Variants in LDLRAP1 observed in about 807,000 individuals in gnomAD.
LDLRAP1 encodes the protein low density lipoprotein receptor adapter protein 1.
Under a neutral mutation model 37.8 loss-of-function variants are expected in LDLRAP1, and 30 were observed. The observed-to-expected ratio is 0.79, with a 90% CI of 0.59 to 1.08. The LOEUF (loss-of-function observed/expected upper bound fraction) is 1.08. Ranked by LOEUF, LDLRAP1 falls within the 50% of genes least tolerant of loss-of-function variation. The pLI is 0.00. For synonymous variants in LDLRAP1, 156 were observed against 169.8 expected (o/e 0.92, Z 0.63); for missense variants, 375 against 401.6 (o/e 0.93, Z 0.57).
At chr1:25,560,042 CAGG>C (rs1376887605) in intron 4 of LDLRAP1, among the ~76,000 whole-genome samples, 6 of 136,668 alleles carry the variant, frequency 4.4e-5, no homozygotes. Flanking sequence ...GCTGAGGAGC[CAGG>C]AGGAGTTTGC....
In LDLRAP1 at chr1:25,544,047, C is replaced by T. The variant is rs2043870590; in HGVS notation, c.88+261C>T. Among the ~76,000 whole-genome samples the T allele has an allele frequency of 6.6e-6, 1 of 152,124 alleles. No individual in the cohort carries two copies. The highest frequency in any genetic ancestry group is 2.1e-4 in the South Asian group (1 of 4,834). ...CGAGCTCGGGGTCCTCAGGTGCAGCCGGCATGGGGTGGGGTGCAGGTTGGG... is the reference window on the plus strand; with the variant it reads ...CGAGCTCGGGGTCCTCAGGTGCAGCTGGCATGGGGTGGGGTGCAGGTTGGG... On this transcript the variant is annotated intron_variant, in intron 1 of 8. Transcript: ENST00000374338. This position sits in a 1 kb window ranked among gnomAD's most constrained non-coding sequence, Gnocchi z 4.8.
chr1:25,545,676 G>A (rs1308899293), intron 1 of LDLRAP1, among the ~76,000 whole-genome samples: 2 of 152,140 alleles, frequency 1.3e-5, no homozygotes, highest in Non-Finnish European at 2.9e-5. Context: ...GTGCTGTCCT[G>A]GAGCCTCTGG....
intron 8 of LDLRAP1, 127 bp from the exon 9 acceptor site, chr1:25,566,721 C>A (rs1049732427): frequency 1.7e-6 from 2 of 1,156,924 alleles, no homozygotes; most frequent in Non-Finnish European, 1.3e-6. Context: ...ACTCCACCTC[C>A]CCTGCACCGG....
intron 4 of LDLRAP1, among the ~76,000 whole-genome samples, chr1:25,559,132 C>G (rs1415818914): frequency 1.3e-5 from 2 of 152,200 alleles, no homozygotes; most frequent in Admixed American, 1.3e-4. Context: ...TGTGGCATCT[C>G]CTGTGAGTTC....
intron 3 of LDLRAP1, among the ~76,000 whole-genome samples, chr1:25,556,723 C>T (rs2044209237): frequency 6.6e-6 from 1 of 152,210 alleles, no homozygotes; most frequent in Non-Finnish European, 1.5e-5. Flanking sequence ...GAGTTCAGGT[C>T]TGGGCTCAGG....
At chr1:25,565,526 G>A (rs1199773827) in intron 8 of LDLRAP1, among the ~76,000 whole-genome samples, 1 of 151,780 alleles carries the variant, frequency 6.6e-6, no homozygotes, top group South Asian at 2.1e-4. Flanking sequence ...TTGAGGAGGC[G>A]TGGCCTTCAA....
chr1:25,549,464 G>A (rs889427659), intron 1 of LDLRAP1, among the ~76,000 whole-genome samples: 5 of 152,210 alleles, frequency 3.3e-5, no homozygotes, highest in African/African-American at 4.8e-5. Context: ...TCTGACTCCC[G>A]GGTGGTTGGG....
At position 25,566,887 on chromosome 1, in the gene LDLRAP1, T is replaced by A. The variant is rs772917400; in HGVS notation, c.822T>A (p.Thr274=). The A allele has an allele frequency of 4.3e-5, 69 of 1,612,756 alleles. No homozygotes were observed. Among genetic ancestry groups the A allele is most frequent in the Non-Finnish European group, 5.6e-5 (66 of 1,179,690 alleles). Reference sequence around the variant, plus strand: ...GGACAAACCCTCAGGTCCTGGACACTGGCCTGACAGCCCAGGACATGCATT... The same window carrying A: ...GGACAAACCCTCAGGTCCTGGACACAGGCCTGACAGCCCAGGACATGCATT... The part of the protein sequence containing the change: ...QSRTNPQVLD[T]GLTAQDMHYA... Residue 274 remains threonine (T), a synonymous_variant, in exon 9 of 9, where the codon ACT becomes ACA. Coordinates refer to ENST00000374338, the MANE Select transcript of LDLRAP1 (RefSeq NM_015627.3).
At chr1:25,563,568 CA>C in intron 6 of LDLRAP1, 92 bp from the exon 7 acceptor site, 2 of 1,562,658 alleles carry the variant, frequency 1.3e-6, no homozygotes, top group East Asian at 4.6e-5. Flanking sequence ...AAGGCCACAT[CA>C]GAGGGGAGGG....
At position 25,567,020 on chromosome 1, in the gene LDLRAP1, G is replaced by A. The variant is rs140712823; in HGVS notation, c.*28G>A. ...GCCCGGGGCCAGCCGGACACAAGCG[G>A]CCCTGACACGTGATGGACCAAAGCC... On this transcript the variant is annotated 3_prime_UTR_variant, in exon 9 of 9. Transcript: ENST00000374338. 1.8e-5 allele frequency: 29 copies of A among 1,612,804 alleles called. No individual in the cohort carries two copies. The East Asian group carries it at 5.6e-4, about 31-fold the overall frequency.
chr1:25,565,022 G>T, intron 7 of LDLRAP1, 151 bp from the exon 8 acceptor site: 1 of 786,508 alleles, frequency 1.3e-6, no homozygotes, highest in Non-Finnish European at 2.2e-6. Context: ...ATGCACCCAG[G>T]CAGGAGGCCT....
intron 1 of LDLRAP1, among the ~76,000 whole-genome samples, chr1:25,547,643 G>A (rs1161465400): frequency 1.3e-5 from 2 of 152,176 alleles, no homozygotes; most frequent in African/African-American, 4.8e-5. Flanking sequence ...CGGAAGCCCG[G>A]TGGAGAGGAC....
Position 25,554,048 on chromosome 1 carries a change from A to G in LDLRAP1, c.215A>G (p.Lys72Arg), listed in dbSNP as rs1464413487. The change falls in exon 2 of 9, where the codon AAG (lysine) becomes AGG (arginine). Residue 72 changes from lysine to arginine, a missense_variant. By Grantham distance (26) the Lys-to-Arg change is conservative. Transcript: ENST00000374338. This position sits in a 1 kb window ranked among gnomAD's most constrained non-coding sequence, Gnocchi z 5.4. ...KGEELSAAAI[K>R]RIVATAKASG... ...GAGGAGCTGTCGGCCGCCGCCATCA[A>G]GAGGATCGTGGCTACAGTGAGCACC... 2.5e-6 allele frequency: 4 copies of G among 1,613,906 alleles called. No homozygotes were observed. Among genetic ancestry groups the G allele is most frequent in the Non-Finnish European group, 3.4e-6 (4 of 1,180,032 alleles).
At chr1:25,581,786 G>A in the LDLRAP1 span, 1 of 152,342 alleles carries the variant, frequency 6.6e-6, no homozygotes, top group Admixed American at 6.5e-5. Context: ...GGAGGATTTG[G>A]GGTAAAGAGA....
At chr1:25,589,464 G>A in the LDLRAP1 span, among the ~76,000 whole-genome samples, 5 of 152,184 alleles carry the variant, frequency 3.3e-5, no homozygotes, top group East Asian at 1.9e-4. Context: ...ATGGGTGTGT[G>A]AGACGTTTCT....
At position 25,566,986 on chromosome 1, in the gene LDLRAP1, C is replaced by T. The variant is rs775979252; in HGVS notation, c.921C>T (p.Ser307=). 17 of 1,613,342 alleles carry T rather than the reference C, an allele frequency of 1.1e-5. No homozygotes were observed. The South Asian group carries it at 1.6e-4, about 16-fold the overall frequency. ...SSGTEQDDLF[S]F ...GCACAGAGCAGGATGACCTCTTCAG[C>T]TTCTGAGGGCCCGGGGCCAGCCGGA... Residue 307 remains serine, a synonymous_variant, in exon 9 of 9, where the codon AGC becomes AGT. Coordinates refer to ENST00000374338, the MANE Select transcript of LDLRAP1 (RefSeq NM_015627.3).
the LDLRAP1 span, among the ~76,000 whole-genome samples, chr1:25,574,228 G>A: frequency 6.6e-6 from 1 of 152,202 alleles, no homozygotes; most frequent in Non-Finnish European, 1.5e-5. Flanking sequence ...GAGGTGGACT[G>A]GGAAATGGGC....
At chr1:25,552,935 T>C (rs1470284809) in intron 1 of LDLRAP1, among the ~76,000 whole-genome samples, 1 of 152,214 alleles carries the variant, frequency 6.6e-6, no homozygotes, top group Non-Finnish European at 1.5e-5. Context: ...GGGGGAATGT[T>C]AGTCCCAAAG....
downstream of LDLRAP1, among the ~76,000 whole-genome samples, chr1:25,570,241 C>T (rs886166245): frequency 1.3e-5 from 2 of 152,136 alleles, no homozygotes; most frequent in Non-Finnish European, 2.9e-5. Context: ...GTTTATCTTT[C>T]GGTTTAAATT....
Sources: gnomAD v4.1 joint callset for allele counts (sites outside exome capture counted in the v4.1 genomes callset) on GRCh38, gnomAD v4.1.1 for gene constraint, Gnocchi (gnomAD v3.1) non-coding constraint, MANE v1.5 for transcripts, NCBI Gene and HGNC (gene_info 2026-07-23, HGNC 2026-07-21) for gene names.